Variants in ZNF444 observed in about 807,000 individuals in gnomAD.
ZNF444 encodes the protein endothelial zinc finger protein 2.
In ZNF444, 8 loss-of-function variants were observed where a neutral mutation model predicts 14.4. The ratio of observed to expected loss-of-function variants is 0.56; its 90% CI spans 0.33 to 1.00. The LOEUF (loss-of-function observed/expected upper bound fraction) is 1.00. Among genes scored for constraint, ZNF444 ranks in the 50% least tolerant of loss-of-function variants. The probability of loss-of-function intolerance (pLI) is 0.03; values close to 1 mark genes in which losing one functional copy is unlikely to be tolerated. For synonymous variants in ZNF444, 258 were observed against 235.9 expected, an observed-to-expected ratio of 1.09 and a Z score of -0.86; for missense variants, 510 against 504.8, an observed-to-expected ratio of 1.01 and a Z score of -0.10.
At chr19:56,136,604 T>G (rs2030617435), upstream of ZNF444, among the ~76,000 whole-genome samples, 1 of 152,128 alleles carries the variant, frequency 6.6e-6, no homozygotes, top group South Asian at 2.1e-4. Flanking sequence ...TTTGCGTGTA[T>G]TAACTCATGA....
intron 3 of ZNF444, chr19:56,157,623 T>G (rs1407659682): frequency 6.6e-6 from 1 of 152,252 alleles, no homozygotes; most frequent in Non-Finnish European, 1.5e-5. Flanking sequence ...CAAGCTGGTC[T>G]CAAGCTCCTC....
intron 4 of ZNF444, among the ~76,000 whole-genome samples, chr19:56,159,060 ATCCG>A: frequency 6.6e-6 from 1 of 150,598 alleles, no homozygotes; most frequent in Non-Finnish European, 1.5e-5. Flanking sequence ...TCCACCCATC[ATCCG>A]TCCATCCATC....
At position 56,142,817 on chromosome 19, in the gene ZNF444, C is replaced by T. The variant is rs368936224; in HGVS notation, c.-197+1460C>T. Among the ~76,000 whole-genome samples the T allele has an allele frequency of 7.9e-5, 12 of 152,306 alleles. No individual in the cohort carries two copies. In the East Asian group the frequency reaches 1.3e-3, roughly 17 times the overall value. On this transcript the variant is annotated intron_variant, in intron 1 of 4. Transcript: ENST00000337080. The stretch of plus-strand genomic sequence containing the variant: ...GAAGCCAGGCAGCCAGACTCCACAG[C>T]CTCTTAGCCATGATATTAACCCAGC...
At chr19:56,159,592 G>A in intron 4 of ZNF444, 32 bp from the exon 5 acceptor site, 1 of 1,415,330 alleles carries the variant, frequency 7.1e-7, no homozygotes, top group Non-Finnish European at 9.2e-7. Context: ...CCCTCGTGCC[G>A]ACCCAGATGC....
At chr19:56,140,756 TCTC>T (rs3834636), upstream of ZNF444, among the ~76,000 whole-genome samples, 8,461 of 151,942 alleles carry the variant, frequency 0.056, 384 homozygotes, top group Admixed American at 0.15. Context: ...TCTAGCCTGG[TCTC>T]CTCCTCCTCC....
Position 56,159,889 on chromosome 19 carries a change from C to T in ZNF444, c.672C>T (p.Arg224=). The T allele has an allele frequency of 6.6e-7, 1 of 1,525,890 alleles. No individual in the cohort carries two copies. The highest frequency in any genetic ancestry group is 1.2e-5 in the South Asian group (1 of 83,168). 94.5% of individuals were successfully genotyped at this position (1,525,890 alleles called of 1,614,324 possible). A position where few individuals can be genotyped will look rare whatever the true frequency, so the allele number is the denominator to read the frequency against. The change falls in exon 5 of 5, where the codon CGC becomes CGT. Residue 224 remains arginine (R), a synonymous_variant. Coordinates refer to ENST00000337080, the MANE Select transcript of ZNF444 (RefSeq NM_018337.4). ...KAFRRKEHLR[R]HRDTHPGSPG... is the part of the protein sequence containing the mutation. ...TTCGGCGCAAGGAGCACCTGCGGCG[C>T]CACCGCGACACGCACCCCGGCAGCC... is the stretch of plus-strand genomic sequence containing the variant.
chr19:56,139,924 CCATCGGATA>C (rs2030709387), upstream of ZNF444, among the ~76,000 whole-genome samples: 1 of 152,000 alleles, frequency 6.6e-6, no homozygotes, highest in African/African-American at 2.4e-5. Context: ...GTCAAGTAGG[CCATCGGATA>C]TGAGTGGGAA....
In ZNF444 at chr19:56,159,124, C is replaced by T. The variant is rs552770193; in HGVS notation, c.407-500C>T. The stretch of plus-strand genomic sequence containing the variant: ...ATCATCTACCCATCCATCACCCATC[C>T]GTCCATCTAGTCATCCACCCACCCA... On this transcript the variant is annotated intron_variant, in intron 4 of 4. Transcript: ENST00000337080. 3.3e-5 allele frequency among the ~76,000 whole-genome samples: 5 copies of T among 151,790 alleles called. No homozygotes were observed. The South Asian group carries it at 6.3e-4, about 19-fold the overall frequency.
At chr19:56,134,599 A>T (rs2637092) in intron 1 of ZNF444, among the ~76,000 whole-genome samples, 141,572 of 152,154 alleles carry the variant, frequency 0.93, 66,506 homozygotes, top group Non-Finnish European at 0.99. Context: ...ACGTCTGATC[A>T]CAGAGTATTA....
Position 56,146,963 on chromosome 19 carries a change from T to A in ZNF444, c.52T>A (p.Ser18Thr). 1 of 1,443,708 alleles carries A rather than the reference T, an allele frequency of 6.9e-7. No homozygotes were observed. Among genetic ancestry groups the A allele is most frequent in the South Asian group, 1.4e-5 (1 of 70,042 alleles). The allele number at this position is 1,443,708 out of a possible 1,614,324, so 89.4% of individuals were successfully genotyped here. ...KQEAEGLALD[S>T]PWHRFRRFHL... Reference sequence around the variant, plus strand: ...GGAGGCCGAGGGCCTGGCGCTGGACTCCCCGTGGCACCGCTTCCGCCGCTT... The same window carrying A: ...GGAGGCCGAGGGCCTGGCGCTGGACACCCCGTGGCACCGCTTCCGCCGCTT... Residue 18 changes from serine (S) to threonine (T), a missense_variant, in exon 3 of 5, where the codon TCC becomes ACC. Physicochemically the swap from Ser to Thr is moderately conservative, Grantham distance 58 (BLOSUM62 1). Transcript: ENST00000337080.
chr19:56,160,052 G>A lies in ZNF444; in HGVS notation c.835G>A (p.Ala279Thr), dbSNP rs975358348. 6.6e-7 allele frequency: 1 copy of A among 1,506,734 alleles called. No homozygotes were observed. Among genetic ancestry groups the A allele is most frequent in the Non-Finnish European group, 8.8e-7 (1 of 1,133,034 alleles). The allele number at this position is 1,506,734 out of a possible 1,614,324, so 93.3% of individuals were successfully genotyped here. Residue 279 changes from alanine (A) to threonine (T), a missense_variant, in exon 5 of 5, where the codon GCC becomes ACC. By Grantham distance (58) the Ala-to-Thr change is moderately conservative. Transcript: ENST00000337080. ...GACGCACTCGGGAGCGCGGCCCTTT[G>A]CCTGCTGGGAGTGTGGCAAGGGCTT... is the stretch of plus-strand genomic sequence containing the variant. ...RKTHSGARPF[A>T]CWECGKGFGR...
In ZNF444 at chr19:56,145,511, G is replaced by A. The variant is rs2031117305; in HGVS notation, c.-196-736G>A. On this transcript the variant is annotated intron_variant, in intron 1 of 4. Coordinates refer to ENST00000337080, the MANE Select transcript of ZNF444 (RefSeq NM_018337.4). The surrounding 1 kb of genome is among the most constrained non-coding windows in gnomAD (Gnocchi z 4.3). ...TGAGGCAGGAGAATCGCTTGACCCT[G>A]GGAGGCGGAGGTTGCAGTGAACCAA... 6.6e-6 allele frequency among the ~76,000 whole-genome samples: 1 copy of A among 152,030 alleles called. No individual in the cohort carries two copies. Among genetic ancestry groups the A allele is most frequent in the African/African-American group, 2.4e-5 (1 of 41,380 alleles).
In ZNF444 at chr19:56,160,129, G is replaced by T; in HGVS notation, c.912G>T (p.Ala304=). ...LRHQRIHGRA[A]ASAQGAVAPG... is the part of the protein sequence containing the mutation. ...ACCAGCGCATCCACGGCCGGGCAGC[G>T]GCCAGCGCGCAGGGGGCGGTAGCTC... is the stretch of plus-strand genomic sequence containing the variant. The change falls in exon 5 of 5, where the codon GCG becomes GCT. Residue 304 remains alanine (A), a synonymous_variant. Coordinates refer to ENST00000337080, the MANE Select transcript of ZNF444 (RefSeq NM_018337.4). The T allele has an allele frequency of 6.7e-7, 1 of 1,483,942 alleles. No individual in the cohort carries two copies. The highest frequency in any genetic ancestry group is 2.3e-5 in the Admixed American group (1 of 43,008). The allele number at this position is 1,483,942 out of a possible 1,614,324, so 91.9% of individuals were successfully genotyped here. A position where few individuals can be genotyped will look rare whatever the true frequency, so the allele number is the denominator to read the frequency against.
Position 56,160,422 on chromosome 19 carries a change from T to G in ZNF444, c.*221T>G. ...CTCAGGTCTCACCTCAGCCCCCCCC[T>G]TCTCCCTGATTTCTCGGCCTCTCTC... On this transcript the variant is annotated 3_prime_UTR_variant, in exon 5 of 5. Transcript: ENST00000337080. 3 of 461,778 alleles carry G rather than the reference T, an allele frequency of 6.5e-6. No homozygotes were observed. The highest frequency in any genetic ancestry group is 4.4e-5 in the Admixed American group (1 of 22,710). The allele number at this position is 461,778 out of a possible 1,614,324, so 28.6% of individuals were successfully genotyped here. A position where few individuals can be genotyped will look rare whatever the true frequency, so the allele number is the denominator to read the frequency against.
rs2031241672 is a variant in ZNF444 at position 56,147,120 on chromosome 19, G to C, written c.209G>C (p.Ser70Thr). 4 of 1,574,324 alleles carry C rather than the reference G, an allele frequency of 2.5e-6. No homozygotes were observed. The highest frequency in any genetic ancestry group is 1.4e-5 in the African/African-American group (1 of 72,366). ...CTGCTGGTGCTGGAACAGTTCCTGA[G>C]CGCGCTGCCCGCCGACACGCAGGCC... Reference protein sequence around the residue: ...LELLVLEQFLSALPADTQAWV... With the variant: ...LELLVLEQFLTALPADTQAWV... Residue 70 changes from serine (S) to threonine (T), a missense_variant, in exon 3 of 5, where the codon AGC becomes ACC. By Grantham distance (58) the Ser-to-Thr change is moderately conservative. Coordinates refer to ENST00000337080, the MANE Select transcript of ZNF444 (RefSeq NM_018337.4). This position sits in a 1 kb window ranked among gnomAD's most constrained non-coding sequence, Gnocchi z 5.9.
At chr19:56,132,935 C>CTTTTTTTTTTTTTTTTTTTTTTTTTTTTT (rs61365745) in intron 1 of ZNF444, among the ~76,000 whole-genome samples, 16 of 94,262 alleles carry the variant, frequency 1.7e-4, no homozygotes, top group East Asian at 3.3e-4. Flanking sequence ...TTCTTTCTTT[C>CTTTTTTTTTTTTTTTTTTTTTTTTTTTTT]TTTTTTTTTT....
chr19:56,148,636 C>T (rs1599880068), intron 3 of ZNF444, among the ~76,000 whole-genome samples: 1 of 152,176 alleles, frequency 6.6e-6, no homozygotes, highest in East Asian at 1.9e-4. Context: ...CTGCTCCTGC[C>T]TCCTGGCACC....
At chr19:56,157,925 C>T (rs1224564945) in intron 3 of ZNF444, 1 of 152,112 alleles carries the variant, frequency 6.6e-6, no homozygotes, top group Admixed American at 6.6e-5. Flanking sequence ...TTTGGTCTTC[C>T]TGGTTGGTGC....
chr19:56,148,685 C>T (rs2031368526), intron 3 of ZNF444, among the ~76,000 whole-genome samples: 1 of 152,196 alleles, frequency 6.6e-6, no homozygotes, highest in African/African-American at 2.4e-5. Flanking sequence ...CGCCCTCCTT[C>T]CGGGTCATTG....
Sources: allele counts gnomAD v4.1 joint callset (sites outside exome capture counted in the v4.1 genomes callset), GRCh38; gene constraint gnomAD v4.1.1; non-coding constraint Gnocchi (gnomAD v3.1); transcripts MANE v1.5; gene names NCBI Gene and HGNC (gene_info 2026-07-23, HGNC 2026-07-21).